The following ZBTB17 variants were observed in gnomAD, a reference collection of about 807,000 sequenced individuals.
ZBTB17 encodes the protein zinc finger and BTB domain containing 17, also known as zinc finger and BTB domain-containing protein 17.
In ZBTB17, 24 loss-of-function variants were observed where a neutral mutation model predicts 85.1. The observed-to-expected ratio is 0.28, with a 90% CI of 0.20 to 0.40. The LOEUF (loss-of-function observed/expected upper bound fraction) is 0.40. Among genes scored for constraint, ZBTB17 ranks in the 10% least tolerant of loss-of-function variants. The pLI is 1.00. For synonymous variants in ZBTB17, 464 were observed against 460.2 expected (o/e 1.01, Z -0.11); for missense variants, 743 against 1,105.1 (o/e 0.67, Z 4.65).
chr1:15,941,883 A>C lies in ZBTB17; in HGVS notation c.*86T>G. 6.8e-7 allele frequency: 1 copy of C among 1,480,976 alleles called. No homozygotes were observed. 91.7% of individuals were successfully genotyped at this position (1,480,976 alleles called of 1,614,324 possible). On this transcript the variant is annotated 3_prime_UTR_variant, in exon 16 of 16. Transcript: ENST00000375743. ...TATAGGCAGCATTAGAAAATAATCC[A>C]ATTTATTCTCTCTAGGGAACAGGCC... is the stretch of plus-strand genomic sequence containing the variant.
intron 3 of ZBTB17, chr1:15,947,426 C>T (rs930769866): frequency 8.0e-6 from 3 of 377,104 alleles, no homozygotes; most frequent in Non-Finnish European, 1.5e-5. Flanking sequence ...GCACAGGGAA[C>T]AGAAGGTGCA....
rs1272255285 is a variant in ZBTB17 at position 15,945,199 on chromosome 1, A to C, written c.665T>G (p.Met222Arg). The change falls in exon 7 of 16, where the codon ATG becomes AGG. Residue 222 changes from methionine (M) to arginine (R), a missense_variant. By Grantham distance (91) the Met-to-Arg change is moderately conservative. This residue lies in a region of ZBTB17 where 279 missense variants were observed against 269.9 expected (regional missense o/e 1.03). Coordinates refer to ENST00000375743, the MANE Select transcript of ZBTB17 (RefSeq NM_003443.3). ...CCCTTTCCGGGCGGGCTCCACCTCC[A>C]TTTCTGCGGAGAAAAGGGCAAGCAT... is the stretch of plus-strand genomic sequence containing the variant. ...AALSESSEQE[M>R]EVEPARKGEE... is the part of the protein sequence containing the mutation. 1 of 1,551,820 alleles carries C rather than the reference A, an allele frequency of 6.4e-7. No homozygotes were observed. The highest frequency in any genetic ancestry group is 2.0e-5 in the Admixed American group (1 of 51,078).
At chr1:15,975,250 A>T (rs2072824214) in intron 1 of ZBTB17, among the ~76,000 whole-genome samples, 1 of 152,186 alleles carries the variant, frequency 6.6e-6, no homozygotes, top group South Asian at 2.1e-4. Context: ...TTTCCCCTTT[A>T]TTACAATCTT....
chr1:15,956,110 A>C (rs1181423575), intron 2 of ZBTB17, among the ~76,000 whole-genome samples: 1 of 152,236 alleles, frequency 6.6e-6, no homozygotes. Flanking sequence ...TCCTGCCAAA[A>C]AGACAAAATC....
In ZBTB17 at chr1:15,964,756, G is replaced by A. The variant is rs749697944; in HGVS notation, c.-3+8283C>T. The stretch of plus-strand genomic sequence containing the variant: ...TGAAAATGGAAGAGCAATGGGCCAA[G>A]GATTTACTAGACACCAGTTCACCAG... On this transcript the variant is annotated intron_variant, in intron 2 of 15. Coordinates refer to ENST00000375743, the MANE Select transcript of ZBTB17 (RefSeq NM_003443.3). This position sits in a 1 kb window ranked among gnomAD's most constrained non-coding sequence, Gnocchi z 4.3. Among the ~76,000 whole-genome samples, 1 of 152,000 alleles carries A rather than the reference G, an allele frequency of 6.6e-6. No individual in the cohort carries two copies. Among genetic ancestry groups the A allele is most frequent in the Non-Finnish European group, 1.5e-5 (1 of 68,012 alleles).
chr1:15,946,395 AG>A, intron 4 of ZBTB17, 101 bp from the exon 5 acceptor site: 1 of 1,518,910 alleles, frequency 6.6e-7, no homozygotes, highest in Non-Finnish European at 8.9e-7. Context: ...CGTCCTCCCT[AG>A]GGTACCTCTA....
At chr1:15,948,621 T>G in intron 2 of ZBTB17, 124 bp from the exon 3 acceptor site, 1 of 1,059,074 alleles carries the variant, frequency 9.4e-7, no homozygotes, top group Admixed American at 2.7e-5. Flanking sequence ...GTGAGGGCAT[T>G]TCTGCCACAA....
chr1:15,944,506 G>C lies in ZBTB17; in HGVS notation c.1165C>G (p.Arg389Gly). Reference protein sequence around the residue: ...LHKKRHSGEARYRCEDCGKLF... With the variant: ...LHKKRHSGEAGYRCEDCGKLF... ...TTGCCGCAGTCCTCGCAGCGGTAGC[G>C]CGCCTCGCCCGAGTGCCGCTTCTTG... Residue 389 changes from arginine to glycine, a missense_variant, in exon 9 of 16, where the codon CGC becomes GGC. Arg to Gly is a moderately radical substitution (Grantham distance 125). Transcript: ENST00000375743. The C allele has an allele frequency of 6.3e-7, 1 of 1,584,138 alleles. No individual in the cohort carries two copies. The highest frequency in any genetic ancestry group is 1.1e-5 in the South Asian group (1 of 87,920).
rs116038170 is a variant in ZBTB17, at chr1:15,952,021, G to A, written c.-2-3524C>T. ...CCCATCGCTCAAGCACAAGTGTCAA[G>A]GTCTGTGGTCTTGTCTTCACCTTGC... On this transcript the variant is annotated intron_variant, in intron 2 of 15. Coordinates refer to ENST00000375743, the MANE Select transcript of ZBTB17 (RefSeq NM_003443.3). The surrounding 1 kb of genome is among the most constrained non-coding windows in gnomAD (Gnocchi z 4.3). 5.3e-5 allele frequency among the ~76,000 whole-genome samples: 8 copies of A among 152,248 alleles called. No homozygotes were observed. The highest frequency in any genetic ancestry group is 1.9e-4 in the African/African-American group (8 of 41,542).
chr1:15,962,663 A>G (rs1006819451), intron 2 of ZBTB17, among the ~76,000 whole-genome samples: 3 of 152,236 alleles, frequency 2.0e-5, no homozygotes, highest in African/African-American at 4.8e-5. Context: ...TTCTGTGGAC[A>G]AACAGAATAC....
At chr1:15,944,273 C>T (rs753244271) in intron 9 of ZBTB17, 27 bp downstream of exon 9, 1 of 1,548,796 alleles carries the variant, frequency 6.5e-7, no homozygotes, top group Non-Finnish European at 8.7e-7. Context: ...GGCTGCCAGG[C>T]GCTGGTTCCG....
At chr1:15,948,171 T>C in intron 3 of ZBTB17, 120 bp downstream of exon 3, 1 of 1,186,522 alleles carries the variant, frequency 8.4e-7, no homozygotes. Flanking sequence ...CTGAAGCCTG[T>C]GCGGGAGGCC....
intron 7 of ZBTB17, 48 bp downstream of exon 7, chr1:15,944,889 C>CGGAGGGGAGGGACGCT: frequency 6.4e-7 from 1 of 1,563,770 alleles, no homozygotes; most frequent in Non-Finnish European, 8.7e-7. Flanking sequence ...GGTGGGAGGC[C>CGGAGGGGAGGGACGCT]GGAGGGGAGG....
chr1:15,954,261 C>T (rs1350072031), intron 2 of ZBTB17, among the ~76,000 whole-genome samples: 1 of 152,202 alleles, frequency 6.6e-6, no homozygotes, highest in African/African-American at 2.4e-5. Flanking sequence ...GTCAAATGGG[C>T]ACCTGTCAAA....
At chr1:15,970,858 T>C (rs2072624613) in intron 2 of ZBTB17, among the ~76,000 whole-genome samples, 1 of 152,224 alleles carries the variant, frequency 6.6e-6, no homozygotes, top group South Asian at 2.1e-4. Context: ...GGAGAGCCTT[T>C]TCCATAACCA....
intron 2 of ZBTB17, among the ~76,000 whole-genome samples, chr1:15,957,639 C>A (rs2072099022): frequency 6.6e-6 from 1 of 152,060 alleles, no homozygotes; most frequent in South Asian, 2.1e-4. Context: ...AGACAGACCG[C>A]AAGGAGGCTT....
At chr1:15,957,724 G>A (rs746688406) in intron 2 of ZBTB17, among the ~76,000 whole-genome samples, 2 of 152,118 alleles carry the variant, frequency 1.3e-5, no homozygotes, top group African/African-American at 4.8e-5. Context: ...GAAAACAGGC[G>A]AGAAGAGGTT....
In ZBTB17 at chr1:15,945,066, G is replaced by T; in HGVS notation, c.798C>A (p.Asn266Lys). 6.2e-7 allele frequency: 1 copy of T among 1,611,636 alleles called. No homozygotes were observed. Among genetic ancestry groups the T allele is most frequent in the African/African-American group, 1.3e-5 (1 of 75,012 alleles). Residue 266 changes from asparagine to lysine, a missense_variant, in exon 7 of 16, where the codon AAC (asparagine) becomes AAA (lysine). This residue lies in a region of ZBTB17 where 279 missense variants were observed against 269.9 expected (regional missense o/e 1.03). Coordinates refer to ENST00000375743, the MANE Select transcript of ZBTB17 (RefSeq NM_003443.3). ...CTGTGCCCGCTGACTCCTCATTCTC[G>T]TTCTCCTCGGGGGCCTCTCCGTTCT... ...QLENGEAPEE[N>K]ENEESAGTDS...
intron 2 of ZBTB17, among the ~76,000 whole-genome samples, chr1:15,957,914 C>T (rs2072110546): frequency 6.6e-6 from 1 of 152,100 alleles, no homozygotes; most frequent in South Asian, 2.1e-4. Flanking sequence ...TGGGGGGAAT[C>T]AGAGTTCTGT....
Sources: allele counts gnomAD v4.1 joint callset (sites outside exome capture counted in the v4.1 genomes callset), GRCh38; gene constraint gnomAD v4.1.1; regional missense constraint gnomAD v4.1.1; non-coding constraint Gnocchi (gnomAD v3.1); transcripts MANE v1.5; gene names NCBI Gene and HGNC (gene_info 2026-07-23, HGNC 2026-07-21).